Variants in IGF1 observed in about 807,000 individuals in gnomAD.
The protein encoded by IGF1 is insulin-like growth factor 1.
IGF1 carries 4 observed loss-of-function variants against 13.8 expected under a neutral mutation model. That is an observed-to-expected ratio of 0.29 (90% CI 0.14 to 0.66). IGF1 has a LOEUF of 0.66. IGF1 is among the 30% of genes least tolerant of loss of function. IGF1 has a pLI of 0.78. For synonymous variants in IGF1, 76 were observed against 72.6 expected (o/e 1.05, Z -0.23); for missense variants, 124 against 188.5 (o/e 0.66, Z 2.00).
At chr12:102,424,642 G>C (rs1265601275) in intron 2 of IGF1, among the ~76,000 whole-genome samples, 2 of 152,276 alleles carry the variant, frequency 1.3e-5, no homozygotes, top group East Asian at 3.9e-4. Context: ...TAATCTTAAA[G>C]TAGTCTTCAT....
intron 1 of IGF1, chr12:102,478,521 T>C: frequency 1.2e-6 from 2 of 1,611,500 alleles, no homozygotes; most frequent in Non-Finnish European, 1.7e-6. Context: ...TTCCAGGTCT[T>C]TTACAGCAGG....
intron 2 of IGF1, among the ~76,000 whole-genome samples, chr12:102,449,299 A>G (rs1484499323): frequency 6.6e-6 from 1 of 151,964 alleles, no homozygotes; most frequent in East Asian, 1.9e-4. Flanking sequence ...ACAGGAACGG[A>G]AAACCAAACA....
At chr12:102,447,176 T>C (rs944748320) in intron 2 of IGF1, among the ~76,000 whole-genome samples, 1 of 152,202 alleles carries the variant, frequency 6.6e-6, no homozygotes, top group Non-Finnish European at 1.5e-5. Context: ...AAGTGCGATA[T>C]GGTGCTGAGA....
chr12:102,415,602 C>CCCTT (rs1240005023), intron 3 of IGF1: 2 of 144,582 alleles, frequency 1.4e-5, no homozygotes, highest in African/African-American at 5.1e-5. Context: ...TTCCTTCCCT[C>CCCTT]CCTCCCTCCC....
At chr12:102,455,284 T>G (rs1879294919) in intron 2 of IGF1, among the ~76,000 whole-genome samples, 1 of 152,248 alleles carries the variant, frequency 6.6e-6, no homozygotes, top group Non-Finnish European at 1.5e-5. Context: ...GGCTGCAAGT[T>G]GCACAACAGC....
chr12:102,470,329 G>A (rs889446009), intron 2 of IGF1, among the ~76,000 whole-genome samples: 4 of 152,168 alleles, frequency 2.6e-5, no homozygotes, highest in East Asian at 3.8e-4. Context: ...TGAACCCTTC[G>A]CTCTCCTGTT....
At chr12:102,478,596 T>C in intron 1 of IGF1, 1 of 1,558,190 alleles carries the variant, frequency 6.4e-7, no homozygotes, top group Admixed American at 1.9e-5. Flanking sequence ...TGTGCTGCTT[T>C]GTGGGTGGGG....
intron 3 of IGF1, chr12:102,417,717 C>G: frequency 6.4e-7 from 1 of 1,550,568 alleles, no homozygotes; most frequent in South Asian, 1.3e-5. Flanking sequence ...TCCAGCAGGC[C>G]TACTTTTCTT....
chr12:102,429,780 C>T (rs540003562), intron 2 of IGF1, among the ~76,000 whole-genome samples: 1 of 152,176 alleles, frequency 6.6e-6, no homozygotes, highest in African/African-American at 2.4e-5. Context: ...CTCAAACATG[C>T]TGTGAATGGC....
At chr12:102,430,093 T>C (rs1038701240) in intron 2 of IGF1, among the ~76,000 whole-genome samples, 1 of 152,160 alleles carries the variant, frequency 6.6e-6, no homozygotes, top group African/African-American at 2.4e-5. Context: ...GCTCTCTTTG[T>C]CTCACATCTG....
At chr12:102,447,571 T>C (rs1341597670) in intron 2 of IGF1, among the ~76,000 whole-genome samples, 2 of 152,218 alleles carry the variant, frequency 1.3e-5, no homozygotes, top group Non-Finnish European at 2.9e-5. Flanking sequence ...TTTATTTGCT[T>C]GGTAAATATT....
intron 2 of IGF1, among the ~76,000 whole-genome samples, chr12:102,443,862 T>TCACTCAGC (rs1488693185): frequency 6.6e-6 from 1 of 152,052 alleles, no homozygotes; most frequent in Non-Finnish European, 1.5e-5. Flanking sequence ...TCTCACTCTG[T>TCACTCAGC]CACCTAGGCT....
chr12:102,430,186 G>A (rs541905627), intron 2 of IGF1, among the ~76,000 whole-genome samples: 1 of 152,212 alleles, frequency 6.6e-6, no homozygotes, highest in African/African-American at 2.4e-5. Context: ...AGAAGTGAGG[G>A]CCTAAGTTCA....
chr12:102,445,130 G>A (rs1489782471), intron 2 of IGF1, among the ~76,000 whole-genome samples: 2 of 151,974 alleles, frequency 1.3e-5, no homozygotes, highest in East Asian at 1.9e-4. Context: ...TGCTGTTTTG[G>A]TTACCGTAGA....
chr12:102,481,311 T>A (rs1402016991), upstream of IGF1, among the ~76,000 whole-genome samples: 13 of 151,584 alleles, frequency 8.6e-5, no homozygotes, highest in Admixed American at 6.6e-4. Context: ...GGGCAAACAA[T>A]TTTCCTGTTG....
chr12:102,402,688 G>A, intron 3 of IGF1, 122 bp from the exon 4 acceptor site: 1 of 738,200 alleles, frequency 1.4e-6, no homozygotes, highest in Non-Finnish European at 2.5e-6. Context: ...TAGAGAGCTT[G>A]AACCTTGGTT....
intron 2 of IGF1, among the ~76,000 whole-genome samples, chr12:102,474,287 T>C (rs866206268): frequency 6.6e-6 from 1 of 152,218 alleles, no homozygotes; most frequent in South Asian, 2.1e-4. Flanking sequence ...AATTGCTTTA[T>C]TGCCAGAAAA....
intron 3 of IGF1, among the ~76,000 whole-genome samples, chr12:102,403,094 A>G (rs1273258408): frequency 6.6e-6 from 1 of 152,212 alleles, no homozygotes; most frequent in Non-Finnish European, 1.5e-5. Flanking sequence ...TTGAGTCTGT[A>G]AAATCATAGA....
At chr12:102,432,008 T>C (rs1876782306) in intron 2 of IGF1, among the ~76,000 whole-genome samples, 1 of 152,216 alleles carries the variant, frequency 6.6e-6, no homozygotes, top group Admixed American at 6.5e-5. Context: ...ATAACAACTT[T>C]AGCAGACACT....
Sources: allele counts gnomAD v4.1 joint callset (sites outside exome capture counted in the v4.1 genomes callset), GRCh38; gene constraint gnomAD v4.1.1; transcripts MANE v1.5; gene names NCBI Gene and HGNC (gene_info 2026-07-23, HGNC 2026-07-21).